The following PPP1R12A variants were observed in gnomAD, a reference collection of about 807,000 sequenced individuals.
PPP1R12A encodes protein phosphatase 1 regulatory subunit 12A.
Under a neutral mutation model 139.6 loss-of-function variants are expected in PPP1R12A, and 19 were observed. That is an observed-to-expected ratio of 0.14 (90% CI 0.09 to 0.20). The LOEUF is 0.20. PPP1R12A is among the 10% of genes least tolerant of loss of function. The probability of loss-of-function intolerance (pLI) is 1.00; values close to 1 mark genes in which losing one functional copy is unlikely to be tolerated. For missense variants in PPP1R12A, 925 were observed against 1,211.5 expected, an observed-to-expected ratio of 0.76 and a Z score of 3.51; for synonymous variants, 427 against 420.6, an observed-to-expected ratio of 1.02 and a Z score of -0.19.
chr12:79,915,834 G>T (rs895460320), intron 1 of PPP1R12A, among the ~76,000 whole-genome samples: 1 of 152,042 alleles, frequency 6.6e-6, no homozygotes, highest in African/African-American at 2.4e-5. Context: ...GTATACAGTA[G>T]TTCACCCAGC....
chr12:79,780,998 A>G (rs1870380981), intron 23 of PPP1R12A, among the ~76,000 whole-genome samples: 4 of 152,158 alleles, frequency 2.6e-5, no homozygotes, highest in African/African-American at 9.7e-5. Flanking sequence ...TTATATCAAT[A>G]GCTCCTAAGT....
At chr12:79,923,254 G>C (rs1284952210) in intron 1 of PPP1R12A, among the ~76,000 whole-genome samples, 1 of 152,272 alleles carries the variant, frequency 6.6e-6, no homozygotes, top group Non-Finnish European at 1.5e-5. Context: ...AGCCTGAGCT[G>C]CTGAGGGAGA....
At chr12:79,935,206 C>T (rs1888577752), upstream of PPP1R12A, 15 of 1,310,078 alleles carry the variant, frequency 1.1e-5, no homozygotes, top group East Asian at 4.6e-4. Flanking sequence ...TTCGCGAGAT[C>T]CGGACTGGGA....
intron 1 of PPP1R12A, among the ~76,000 whole-genome samples, chr12:79,892,166 TATA>T (rs1204289652): frequency 6.6e-6 from 1 of 152,174 alleles, no homozygotes; most frequent in African/African-American, 2.4e-5. Flanking sequence ...TTCCGCAACT[TATA>T]ATATCTGTCT....
At chr12:79,934,545 C>T in intron 1 of PPP1R12A, 150 bp downstream of exon 1, 1 of 729,238 alleles carries the variant, frequency 1.4e-6, no homozygotes. Flanking sequence ...AGCTCTCCCT[C>T]CCGCCCTCTG....
chr12:79,933,402 G>C (rs780738395), intron 1 of PPP1R12A, among the ~76,000 whole-genome samples: 95 of 152,192 alleles, frequency 6.2e-4, no homozygotes, highest in African/African-American at 2.1e-3. Context: ...TTTTTTAAAA[G>C]GCATCAAGTT....
Position 79,775,757 on chromosome 12 carries a change from C to A in PPP1R12A, c.*172G>T. ...AAAAACAAACCAACAACAACAAAAA[C>A]ACCCCAGAAAATTAAACAAAATGAA... On this transcript the variant is annotated 3_prime_UTR_variant, in exon 25 of 25. Transcript: ENST00000450142. 3 of 394,490 alleles carry A rather than the reference C, an allele frequency of 7.6e-6. No homozygotes were observed. The highest frequency in any genetic ancestry group is 4.4e-5 in the Admixed American group (1 of 22,938). The allele number at this position is 394,490 out of a possible 1,614,324, so 24.4% of individuals were successfully genotyped here. A position where few individuals can be genotyped will look rare whatever the true frequency, so the allele number is the denominator to read the frequency against.
intron 1 of PPP1R12A, among the ~76,000 whole-genome samples, chr12:79,906,690 C>T (rs957277510): frequency 1.3e-5 from 2 of 152,088 alleles, no homozygotes; most frequent in African/African-American, 4.8e-5. Context: ...GCTGGACAGG[C>T]TGGAGTGCAG....
chr12:79,922,588 C>G (rs1297521103), intron 1 of PPP1R12A, among the ~76,000 whole-genome samples: 2 of 152,080 alleles, frequency 1.3e-5, no homozygotes, highest in East Asian at 3.9e-4. Context: ...AATACAGGAA[C>G]AGAAAACCAA....
intron 14 of PPP1R12A, among the ~76,000 whole-genome samples, chr12:79,803,740 A>G (rs1045014417): frequency 1.3e-5 from 2 of 152,168 alleles, no homozygotes; most frequent in Non-Finnish European, 2.9e-5. Flanking sequence ...AAAAACCTCT[A>G]TAATATAGAC....
At chr12:79,836,789 G>A (rs536807825) in intron 3 of PPP1R12A, among the ~76,000 whole-genome samples, 56 of 152,292 alleles carry the variant, frequency 3.7e-4, no homozygotes, top group African/African-American at 1.3e-3. Context: ...CAGTGATCCT[G>A]AGAAAGCCAT....
intron 1 of PPP1R12A, among the ~76,000 whole-genome samples, chr12:79,904,389 A>T (rs962525908): frequency 6.6e-6 from 1 of 152,106 alleles, no homozygotes; most frequent in African/African-American, 2.4e-5. Flanking sequence ...AAAGGCAGAC[A>T]CTTTCTGTAT....
At chr12:79,927,737 A>G (rs1887952542) in intron 1 of PPP1R12A, among the ~76,000 whole-genome samples, 1 of 152,208 alleles carries the variant, frequency 6.6e-6, no homozygotes, top group Non-Finnish European at 1.5e-5. Flanking sequence ...TGAAAATTAA[A>G]CTATTGTTTG....
chr12:79,877,330 T>C (rs1275383234), intron 1 of PPP1R12A, among the ~76,000 whole-genome samples: 1 of 152,178 alleles, frequency 6.6e-6, no homozygotes, highest in Non-Finnish European at 1.5e-5. Context: ...ATACAGATAT[T>C]GCTCAAGAAA....
intron 2 of PPP1R12A, among the ~76,000 whole-genome samples, chr12:79,868,346 C>T (rs1882208143): frequency 6.6e-6 from 1 of 152,162 alleles, no homozygotes; most frequent in African/African-American, 2.4e-5. Flanking sequence ...GATCCATAGC[C>T]AATGACATTA....
At chr12:79,806,038 T>C in intron 13 of PPP1R12A, 128 bp downstream of exon 13, 1 of 1,303,768 alleles carries the variant, frequency 7.7e-7, no homozygotes, top group Non-Finnish European at 1.0e-6. Flanking sequence ...TTGGAACCAA[T>C]TTTTGTCTGC....
At chr12:79,910,217 T>C (rs1592815417) in intron 1 of PPP1R12A, among the ~76,000 whole-genome samples, 1 of 151,994 alleles carries the variant, frequency 6.6e-6, no homozygotes, top group Admixed American at 6.6e-5. Flanking sequence ...CAGTGGCTCA[T>C]GCCTGTAATC....
At chr12:79,919,415 C>A (rs1034967713) in intron 1 of PPP1R12A, among the ~76,000 whole-genome samples, 3 of 151,766 alleles carry the variant, frequency 2.0e-5, no homozygotes, top group Non-Finnish European at 4.4e-5. Context: ...ATTAGCCAGG[C>A]ATGGTGGTGC....
At position 79,808,500 on chromosome 12, in the gene PPP1R12A, A is replaced by G. The variant is rs751106513; in HGVS notation, c.1533T>C (p.Ile511=). ...AAACTCACCTGTTTTCTTTCTCTTCAATGTCAGATGTACTGGCTAGTCGTC... is the reference window on the plus strand; with the variant it reads ...AAACTCACCTGTTTTCTTTCTCTTCGATGTCAGATGTACTGGCTAGTCGTC... ...IPRRLASTSD[I]EEKENRDSSS... The change falls in exon 11 of 25, where the codon ATT becomes ATC. Residue 511 remains isoleucine, a synonymous_variant. Transcript: ENST00000450142. The G allele has an allele frequency of 3.4e-5, 54 of 1,602,238 alleles. No homozygotes were observed. The South Asian group carries it at 5.6e-4, about 16-fold the overall frequency.
Sources: gnomAD v4.1 joint callset for allele counts (sites outside exome capture counted in the v4.1 genomes callset) on GRCh38, gnomAD v4.1.1 for gene constraint, MANE v1.5 for transcripts, NCBI Gene and HGNC (gene_info 2026-07-23, HGNC 2026-07-21) for gene names.